SUSD4: variants seen among roughly 807,000 people sequenced by gnomAD.
SUSD4 encodes sushi domain containing 4.
SUSD4 carries 41 observed loss-of-function variants against 50.5 expected under a neutral mutation model. The ratio of observed to expected loss-of-function variants is 0.81; its 90% CI spans 0.63 to 1.05. SUSD4 has a LOEUF of 1.05. Among genes scored for constraint, SUSD4 ranks in the 50% least tolerant of loss-of-function variants. The pLI, the probability that SUSD4 is intolerant of heterozygous loss-of-function variation, is 0.00. For synonymous variants in SUSD4, 257 were observed against 257.3 expected (o/e 1.00, Z 0.01); for missense variants, 580 against 634.7 (o/e 0.91, Z 0.93).
intron 2 of SUSD4, among the ~76,000 whole-genome samples, chr1:223,310,852 G>A (rs545599202): frequency 1.3e-5 from 2 of 152,368 alleles, no homozygotes; most frequent in African/African-American, 2.4e-5. Context: ...AAGCAGTGAG[G>A]TGCCTCTAGA....
chr1:223,301,792 C>T (rs912822564), intron 2 of SUSD4, among the ~76,000 whole-genome samples: 3 of 152,264 alleles, frequency 2.0e-5, no homozygotes, highest in Non-Finnish European at 4.4e-5. Flanking sequence ...GTAAAGGATA[C>T]GAACTAAAAT....
intron 2 of SUSD4, among the ~76,000 whole-genome samples, chr1:223,304,698 G>A (rs1319051569): frequency 6.7e-6 from 1 of 149,074 alleles, no homozygotes; most frequent in Non-Finnish European, 1.5e-5. Context: ...GGCACAGGTT[G>A]TAGAGTGAGA....
chr1:223,223,724 A>C lies in SUSD4; in HGVS notation c.1062-93T>G. The C allele has an allele frequency of 6.3e-6, 9 of 1,419,386 alleles. No homozygotes were observed. The Middle Eastern group carries it at 7.8e-4, about 123-fold the overall frequency. 87.9% of individuals were successfully genotyped at this position (1,419,386 alleles called of 1,614,324 possible). A position where few individuals can be genotyped will look rare whatever the true frequency, so the allele number is the denominator to read the frequency against. ...CCCTCCTGCACTCGGGGTCCTCAGGACCCACGATGGGCAGCAGAGTCCCGT... is the reference window on the plus strand; with the variant it reads ...CCCTCCTGCACTCGGGGTCCTCAGGCCCCACGATGGGCAGCAGAGTCCCGT... On this transcript the variant is annotated intron_variant, in intron 7 of 8. Transcript: ENST00000366878.
intron 3 of SUSD4, among the ~76,000 whole-genome samples, chr1:223,271,018 T>C (rs1662882428): frequency 6.6e-6 from 1 of 152,218 alleles, no homozygotes; most frequent in Admixed American, 6.5e-5. Flanking sequence ...ATAGAAAATG[T>C]GAATTACGTT....
intron 2 of SUSD4, among the ~76,000 whole-genome samples, chr1:223,329,222 A>G (rs752135701): frequency 2.6e-4 from 40 of 152,170 alleles, no homozygotes; most frequent in Non-Finnish European, 5.7e-4. Context: ...ATTTATCATC[A>G]TGGAGAAGGC....
chr1:223,250,514 A>T (rs1290139687), intron 5 of SUSD4, among the ~76,000 whole-genome samples: 1 of 152,228 alleles, frequency 6.6e-6, no homozygotes, highest in Non-Finnish European at 1.5e-5. Context: ...GCAAACTAAC[A>T]GCGAGCTGGG....
chr1:223,336,951 G>T (rs1347598503), intron 2 of SUSD4, among the ~76,000 whole-genome samples: 4 of 152,132 alleles, frequency 2.6e-5, no homozygotes, highest in Non-Finnish European at 4.4e-5. Flanking sequence ...GTGAGAGCTG[G>T]CCACTAAGAT....
chr1:223,260,700 GAC>G (rs1316096116), intron 5 of SUSD4, among the ~76,000 whole-genome samples: 8 of 152,204 alleles, frequency 5.3e-5, no homozygotes, highest in Non-Finnish European at 1.2e-4. Context: ...TGCTTTATCT[GAC>G]AACACAGCTA....
intron 2 of SUSD4, among the ~76,000 whole-genome samples, chr1:223,303,700 G>T (rs904466590): frequency 1.3e-5 from 2 of 152,170 alleles, no homozygotes; most frequent in African/African-American, 4.8e-5. Flanking sequence ...CAATGTACTG[G>T]ATATGCCAGC....
chr1:223,282,532 G>C (rs1023181438), intron 3 of SUSD4, among the ~76,000 whole-genome samples: 1 of 152,130 alleles, frequency 6.6e-6, no homozygotes, highest in Non-Finnish European at 1.5e-5. Flanking sequence ...CAACTTACAA[G>C]GGATGTGAAG....
intron 2 of SUSD4, among the ~76,000 whole-genome samples, chr1:223,314,152 G>C (rs1462618404): frequency 6.6e-6 from 1 of 151,966 alleles, no homozygotes; most frequent in East Asian, 1.9e-4. Flanking sequence ...CCTCTCTTGG[G>C]GTCCGGATCA....
At chr1:223,299,011 A>G (rs1480493164) in intron 2 of SUSD4, among the ~76,000 whole-genome samples, 4 of 152,238 alleles carry the variant, frequency 2.6e-5, no homozygotes, top group Non-Finnish European at 5.9e-5. Context: ...AGAAGATGAG[A>G]TGGTACAAGA....
rs993799449 is a variant in SUSD4 at position 223,258,555 on chromosome 1, G to T, written c.724+6075C>A. On this transcript the variant is annotated intron_variant, in intron 5 of 8. Transcript: ENST00000366878. ...CACCTGGGGGCATTCTGGGTTTGGG[G>T]ACTGGGCAGATTTAAAAACCTAAAC... Among the ~76,000 whole-genome samples the T allele has an allele frequency of 3.3e-5, 5 of 152,148 alleles. No individual in the cohort carries two copies. The East Asian group carries it at 7.8e-4, about 24-fold the overall frequency.
intron 2 of SUSD4, among the ~76,000 whole-genome samples, chr1:223,333,785 T>A (rs1667308831): frequency 6.6e-6 from 1 of 152,010 alleles, no homozygotes; most frequent in South Asian, 2.1e-4. Flanking sequence ...CCACCCCAGG[T>A]CCTCTCTCCT....
chr1:223,273,781 G>A (rs539330727), intron 3 of SUSD4, among the ~76,000 whole-genome samples: 13 of 152,262 alleles, frequency 8.5e-5, no homozygotes, highest in African/African-American at 3.1e-4. Context: ...ATACATTGTT[G>A]CTGGAAAAAA....
intron 3 of SUSD4, chr1:223,289,363 T>C (rs554685292): frequency 1.1e-6 from 1 of 944,024 alleles, no homozygotes; most frequent in Non-Finnish European, 1.3e-6. Context: ...CAGACCTCTA[T>C]AAATTTAGTT....
chr1:223,317,867 T>TTA (rs1666312101), intron 2 of SUSD4, among the ~76,000 whole-genome samples: 1 of 141,488 alleles, frequency 7.1e-6, no homozygotes, highest in South Asian at 2.4e-4. Flanking sequence ...TTTTTTTTTT[T>TTA]TTATTATACT....
At chr1:223,264,122 G>A (rs902719411) in intron 5 of SUSD4, 14 of 985,272 alleles carry the variant, frequency 1.4e-5, no homozygotes, top group African/African-American at 1.7e-5. Context: ...GTGGTCTTTC[G>A]TGAATCACAA....
intron 2 of SUSD4, among the ~76,000 whole-genome samples, chr1:223,321,642 G>A (rs61838210): frequency 0.18 from 27,646 of 152,146 alleles, 3,053 homozygotes; most frequent in Non-Finnish European, 0.26. Flanking sequence ...ATGTGTTTGT[G>A]GATCCAATGA....
Sources: gnomAD v4.1 joint callset for allele counts (sites outside exome capture counted in the v4.1 genomes callset) on GRCh38, gnomAD v4.1.1 for gene constraint, MANE v1.5 for transcripts, NCBI Gene and HGNC (gene_info 2026-07-23, HGNC 2026-07-21) for gene names.